The following DENND4A variants were observed in gnomAD, a reference collection of about 807,000 sequenced individuals.
DENND4A encodes C-myc promoter-binding protein.
DENND4A carries 70 observed loss-of-function variants against 199.3 expected under a neutral mutation model. The observed-to-expected ratio is 0.35, with a 90% confidence interval of 0.29 to 0.43. The LOEUF (loss-of-function observed/expected upper bound fraction) is 0.43. Ranked by LOEUF, DENND4A falls within the 20% of genes least tolerant of loss-of-function variation. The pLI is 1.00. For missense variants in DENND4A, 1,723 were observed against 2,255.8 expected, an observed-to-expected ratio of 0.76 and a Z score of 4.78; for synonymous variants, 686 against 766.9, an observed-to-expected ratio of 0.89 and a Z score of 1.74.
At chr15:65,723,710 G>A (rs2075716839) in intron 11 of DENND4A, among the ~76,000 whole-genome samples, 1 of 152,128 alleles carries the variant, frequency 6.6e-6, no homozygotes, top group African/African-American at 2.4e-5. Flanking sequence ...ATTAGGCACA[G>A]TAAGGGATCG....
intron 4 of DENND4A, among the ~76,000 whole-genome samples, chr15:65,742,302 T>A (rs2076278800): frequency 6.6e-6 from 1 of 152,094 alleles, no homozygotes; most frequent in Non-Finnish European, 1.5e-5. Flanking sequence ...CTTTTTTTTT[T>A]AAATGGAGTC....
chr15:65,709,719 A>AAAAAAAATATATATAT (rs1218030026), intron 14 of DENND4A, among the ~76,000 whole-genome samples: 143 of 51,356 alleles, frequency 2.8e-3, no homozygotes, highest in East Asian at 3.9e-3. Flanking sequence ...AAAAAAAAAA[A>AAAAAAAATATATATAT]ATATATATAT....
intron 23 of DENND4A, among the ~76,000 whole-genome samples, chr15:65,687,766 T>G (rs2076840449): frequency 6.6e-6 from 1 of 151,126 alleles, no homozygotes; most frequent in South Asian, 2.1e-4. Context: ...ATGAATAATT[T>G]TTTAACAGCT....
chr15:65,715,262 G>T, intron 14 of DENND4A: 1 of 406,200 alleles, frequency 2.5e-6, no homozygotes, highest in South Asian at 3.7e-5. Context: ...TAAAACTTAT[G>T]ATTACAATTA....
intron 4 of DENND4A, among the ~76,000 whole-genome samples, chr15:65,749,224 A>T (rs1466208140): frequency 6.6e-6 from 1 of 152,214 alleles, no homozygotes; most frequent in African/African-American, 2.4e-5. Context: ...TAATTAATGC[A>T]GTACAGTGCT....
chr15:65,667,318 G>C (rs754964776), intron 29 of DENND4A, 131 bp downstream of exon 29: 15 of 1,126,282 alleles, frequency 1.3e-5, no homozygotes, highest in Non-Finnish European at 1.7e-5. Flanking sequence ...GAAAGAGTGA[G>C]ACTACGTCTC....
At chr15:65,767,190 A>G (rs549543096) in intron 1 of DENND4A, 1 of 152,328 alleles carries the variant, frequency 6.6e-6, no homozygotes, top group Admixed American at 6.5e-5. Flanking sequence ...ACACCACAGA[A>G]TCATGGGATT....
At chr15:65,762,050 CA>C (rs1224216822) in intron 1 of DENND4A, among the ~76,000 whole-genome samples, 1 of 152,146 alleles carries the variant, frequency 6.6e-6, no homozygotes, top group East Asian at 1.9e-4. Context: ...TCTTGTTGCC[CA>C]GGCTGGAGTG....
chr15:65,783,787 A>G (rs1397346445), intron 1 of DENND4A, among the ~76,000 whole-genome samples: 1 of 152,228 alleles, frequency 6.6e-6, no homozygotes, highest in Non-Finnish European at 1.5e-5. Context: ...ACCATCTATG[A>G]GTCCATACAT....
chr15:65,681,890 T>C (rs775363557), intron 23 of DENND4A, among the ~76,000 whole-genome samples: 3 of 152,210 alleles, frequency 2.0e-5, no homozygotes, highest in Non-Finnish European at 2.9e-5. Flanking sequence ...TTGGAGCTCT[T>C]GCATGACTAG....
At chr15:65,725,271 T>C (rs576293146) in intron 11 of DENND4A, among the ~76,000 whole-genome samples, 113 of 152,288 alleles carry the variant, frequency 7.4e-4, no homozygotes, top group African/African-American at 2.7e-3. Flanking sequence ...AGCATTAGTT[T>C]TGGAGTCAAA....
At position 65,688,368 on chromosome 15, in the gene DENND4A, G is replaced by T. The variant is rs2076863554; in HGVS notation, c.4179+2047C>A. 2.0e-5 allele frequency among the ~76,000 whole-genome samples: 3 copies of T among 152,070 alleles called. 1 individual carries two copies. The South Asian group carries it at 6.2e-4, about 32-fold the overall frequency. Reference sequence around the variant, plus strand: ...CATTCTGGAGTTGTCTTTTCCTTGAGAACTGGTCACATTTTCCTGGTCCTT... The same window carrying T: ...CATTCTGGAGTTGTCTTTTCCTTGATAACTGGTCACATTTTCCTGGTCCTT... On this transcript the variant is annotated intron_variant, in intron 23 of 32. Coordinates refer to ENST00000443035, the MANE Select transcript of DENND4A (RefSeq NM_001320835.1).
At chr15:65,711,774 T>G (rs1311216284) in intron 14 of DENND4A, among the ~76,000 whole-genome samples, 2 of 152,212 alleles carry the variant, frequency 1.3e-5, no homozygotes, top group Admixed American at 6.5e-5. Flanking sequence ...TAAAAATGTC[T>G]TAAAAAGTGG....
At position 65,702,581 on chromosome 15, in the gene DENND4A, A is replaced by C; in HGVS notation, c.2224-70T>G. ...GCATCTTTATTTAACTGAGTGCTAA[A>C]CAAGTACAAGTCACATGCTTTTATA... is the stretch of plus-strand genomic sequence containing the variant. On this transcript the variant is annotated intron_variant, in intron 16 of 32. Coordinates refer to ENST00000443035, the MANE Select transcript of DENND4A (RefSeq NM_001320835.1). The C allele has an allele frequency of 2.4e-6, 3 of 1,234,792 alleles. No homozygotes were observed. The South Asian group carries it at 4.1e-5, about 17-fold the overall frequency. 76.5% of individuals were successfully genotyped at this position (1,234,792 alleles called of 1,614,324 possible).
chr15:65,762,521 C>A (rs1814474235), intron 1 of DENND4A, among the ~76,000 whole-genome samples: 1 of 151,868 alleles, frequency 6.6e-6, no homozygotes, highest in African/African-American at 2.4e-5. Flanking sequence ...CTCAGCTACT[C>A]AGGAGACTGA....
chr15:65,728,019 T>C (rs1289510587), intron 11 of DENND4A, among the ~76,000 whole-genome samples: 1 of 152,010 alleles, frequency 6.6e-6, no homozygotes, highest in Non-Finnish European at 1.5e-5. Context: ...TTTTTGTTTT[T>C]TTCTTTTGAG....
intron 1 of DENND4A, among the ~76,000 whole-genome samples, chr15:65,770,374 G>A (rs1048731704): frequency 6.6e-6 from 1 of 152,100 alleles, no homozygotes; most frequent in Non-Finnish European, 1.5e-5. Context: ...GGCCTTTAAA[G>A]TATTGGAATT....
chr15:65,663,261 G>A (rs1252432614), intron 32 of DENND4A, among the ~76,000 whole-genome samples: 2 of 146,122 alleles, frequency 1.4e-5, no homozygotes, highest in East Asian at 4.0e-4. Flanking sequence ...GCAGGCTGGA[G>A]TGCAGTGGCA....
chr15:65,677,334 C>T (rs1206004234), intron 23 of DENND4A, among the ~76,000 whole-genome samples: 2 of 152,104 alleles, frequency 1.3e-5, no homozygotes, highest in Non-Finnish European at 2.9e-5. Context: ...CTCAGCCTCC[C>T]GAGTGGCTGG....
Sources: gnomAD v4.1 joint callset for allele counts (sites outside exome capture counted in the v4.1 genomes callset) on GRCh38, gnomAD v4.1.1 for gene constraint, MANE v1.5 for transcripts, NCBI Gene and HGNC (gene_info 2026-07-23, HGNC 2026-07-21) for gene names.